FABP7: variants seen among roughly 807,000 people sequenced by gnomAD.
FABP7 encodes fatty acid-binding protein, brain.
Under a neutral mutation model 14.2 loss-of-function variants are expected in FABP7, and 13 were observed. The observed-to-expected ratio is 0.91, with a 90% confidence interval of 0.59 to 1.45. The LOEUF is 1.45. Among genes scored for constraint, FABP7 ranks in the 40% most tolerant of loss-of-function variants. The probability of loss-of-function intolerance (pLI) is 0.00; values close to 1 mark genes in which losing one functional copy is unlikely to be tolerated. For synonymous variants in FABP7, 49 were observed against 51.4 expected (o/e 0.95, Z 0.20); for missense variants, 149 against 157.6 (o/e 0.95, Z 0.29).
chr6:122,776,693 A>G (rs9482284), upstream of FABP7, among the ~76,000 whole-genome samples: 100,492 of 152,050 alleles, frequency 0.66, 35,579 homozygotes, highest in Non-Finnish European at 0.81. Flanking sequence ...CAACAAAAAG[A>G]AATGACCAAT....
chr6:122,780,899 T>C (rs1780765024), intron 2 of FABP7, among the ~76,000 whole-genome samples, 194 bp from the exon 3 acceptor site: 1 of 152,216 alleles, frequency 6.6e-6, no homozygotes, highest in South Asian at 2.1e-4. Flanking sequence ...TGTATTTAGA[T>C]GTATACTTTT....
At chr6:122,764,155 TAG>T in the FABP7 span, among the ~76,000 whole-genome samples, 1 of 152,200 alleles carries the variant, frequency 6.6e-6, no homozygotes, top group Non-Finnish European at 1.5e-5. Context: ...CCATCAATGA[TAG>T]ACTGGATTCA....
chr6:122,776,141 A>G (rs139248672), upstream of FABP7, among the ~76,000 whole-genome samples: 1 of 152,268 alleles, frequency 6.6e-6, no homozygotes, highest in East Asian at 1.9e-4. Context: ...TTAAAATAGA[A>G]CTACCATATG....
chr6:122,754,959 A>C, the FABP7 span, among the ~76,000 whole-genome samples: 1 of 151,440 alleles, frequency 6.6e-6, no homozygotes, highest in Non-Finnish European at 1.5e-5. Context: ...CCAGGTATTG[A>C]CATCACCACT....
the FABP7 span, among the ~76,000 whole-genome samples, chr6:122,768,655 C>A: frequency 1.3e-5 from 2 of 151,908 alleles, no homozygotes; most frequent in Non-Finnish European, 2.9e-5. Context: ...ATGTAATTAG[C>A]CAAATAAATG....
At chr6:122,776,686 C>G (rs934425703), upstream of FABP7, among the ~76,000 whole-genome samples, 2 of 152,064 alleles carry the variant, frequency 1.3e-5, no homozygotes, top group African/African-American at 4.8e-5. Flanking sequence ...ATGTTCCCAA[C>G]AAAAAGAAAT....
At chr6:122,780,533 GT>G (rs749946590) in intron 2 of FABP7, 70 bp downstream of exon 2, 38 of 1,455,036 alleles carry the variant, frequency 2.6e-5, no homozygotes, top group East Asian at 1.2e-4. Flanking sequence ...TCCAATGCAT[GT>G]TTTTTTTAAG....
chr6:122,766,126 G>A, the FABP7 span, among the ~76,000 whole-genome samples: 40,696 of 151,914 alleles, frequency 0.27, 6,258 homozygotes, highest in Non-Finnish European at 0.36. Flanking sequence ...AATAGGTTTA[G>A]AGGATCAGCT....
chr6:122,770,217 G>T, the FABP7 span, among the ~76,000 whole-genome samples: 1 of 152,078 alleles, frequency 6.6e-6, no homozygotes, highest in Non-Finnish European at 1.5e-5. Flanking sequence ...TCCCATAAAA[G>T]TTAATGGAGA....
the FABP7 span, among the ~76,000 whole-genome samples, chr6:122,771,412 G>A: frequency 6.6e-6 from 1 of 152,064 alleles, no homozygotes; most frequent in African/African-American, 2.4e-5. Context: ...GTTAATCATT[G>A]CTCAATGTAC....
chr6:122,762,727 A>G, the FABP7 span, among the ~76,000 whole-genome samples: 1 of 152,244 alleles, frequency 6.6e-6, no homozygotes, highest in East Asian at 1.9e-4. Context: ...AAAAATCACA[A>G]GCATTTCTAT....
At chr6:122,754,929 A>G in the FABP7 span, among the ~76,000 whole-genome samples, 209 of 151,532 alleles carry the variant, frequency 1.4e-3, no homozygotes, top group Non-Finnish European at 1.7e-3. Context: ...AAACTCACCA[A>G]CCTTTCTACT....
rs994508837 is a variant in FABP7, at chr6:122,783,825, C to T, written c.*58C>T. On this transcript the variant is annotated 3_prime_UTR_variant, in exon 4 of 4. Transcript: ENST00000368444. ...TCAGTTTTTCTGTTTCCTCAAGTCTCAGTGCTATCCTATTACAACATGGCT... is the reference window on the plus strand; with the variant it reads ...TCAGTTTTTCTGTTTCCTCAAGTCTTAGTGCTATCCTATTACAACATGGCT... 1 of 1,332,604 alleles carries T rather than the reference C, an allele frequency of 7.5e-7. No homozygotes were observed. Among genetic ancestry groups the T allele is most frequent in the Admixed American group, 1.9e-5 (1 of 54,020 alleles). 82.5% of individuals were successfully genotyped at this position (1,332,604 alleles called of 1,614,324 possible).
chr6:122,757,445 C>T, the FABP7 span, among the ~76,000 whole-genome samples: 1 of 151,592 alleles, frequency 6.6e-6, no homozygotes, highest in Admixed American at 6.6e-5. Flanking sequence ...CCTTTCTGGC[C>T]CTAGGCCCCT....
chr6:122,755,582 T>C, the FABP7 span, among the ~76,000 whole-genome samples: 1 of 150,786 alleles, frequency 6.6e-6, no homozygotes, highest in Non-Finnish European at 1.5e-5. Flanking sequence ...GCCTCCCGAG[T>C]AGCTGGGACT....
the FABP7 span, among the ~76,000 whole-genome samples, chr6:122,768,592 G>A: frequency 3.2e-4 from 49 of 152,106 alleles, no homozygotes; most frequent in Non-Finnish European, 4.0e-4. Context: ...CCTAGGCTTT[G>A]TTTCGAAAGG....
At chr6:122,782,029 G>A (rs1223250187) in intron 3 of FABP7, 2 of 983,934 alleles carry the variant, frequency 2.0e-6, no homozygotes, top group Non-Finnish European at 2.4e-6. Context: ...TGGGATTACA[G>A]GCCTGAGCCA....
intron 2 of FABP7, 58 bp from the exon 3 acceptor site, chr6:122,781,035 G>C: frequency 1.3e-6 from 2 of 1,531,268 alleles, no homozygotes; most frequent in South Asian, 1.3e-5. Context: ...ATCGTCTTCC[G>C]TATCAGAAAT....
upstream of FABP7, chr6:122,779,663 G>A (rs1780731463): frequency 2.6e-6 from 2 of 758,990 alleles, no homozygotes; most frequent in Admixed American, 4.8e-5. Context: ...TAAATCACTG[G>A]ATTTTTGCCC....
Sources: gnomAD v4.1 joint callset for allele counts (sites outside exome capture counted in the v4.1 genomes callset) on GRCh38, gnomAD v4.1.1 for gene constraint, MANE v1.5 for transcripts, NCBI Gene and HGNC (gene_info 2026-07-23, HGNC 2026-07-21) for gene names.